The following ATP6V0D2 variants were observed in gnomAD, a reference collection of about 807,000 sequenced individuals.
The protein encoded by ATP6V0D2 is ATPase H+ transporting V0 subunit d2.
ATP6V0D2 carries 40 observed loss-of-function variants against 40.0 expected under a neutral mutation model. That is an observed-to-expected ratio of 1.00 (90% CI 0.78 to 1.30). The LOEUF is 1.30. ATP6V0D2 is among the 50% of genes most tolerant of loss of function. ATP6V0D2 has a pLI of 0.00. For missense variants in ATP6V0D2, 470 were observed against 423.1 expected (o/e 1.11, Z -0.97); for synonymous variants, 179 against 156.3 (o/e 1.15, Z -1.08).
intron 5 of ATP6V0D2, among the ~76,000 whole-genome samples, chr8:86,144,340 C>G (rs1373327447): frequency 6.6e-6 from 1 of 152,138 alleles, no homozygotes; most frequent in Non-Finnish European, 1.5e-5. Context: ...CTTTTGTAAG[C>G]CCTTACTTTG....
At chr8:86,149,232 A>T (rs746705738) in intron 5 of ATP6V0D2, among the ~76,000 whole-genome samples, 1 of 152,046 alleles carries the variant, frequency 6.6e-6, no homozygotes, top group Non-Finnish European at 1.5e-5. Context: ...CCCCCACAAT[A>T]GGCAGAGGAG....
intron 2 of ATP6V0D2, 80 bp from the exon 3 acceptor site, chr8:86,139,362 CAGTGTGTACCTAAAG>C: frequency 1.0e-6 from 1 of 1,000,770 alleles, no homozygotes; most frequent in Non-Finnish European, 1.4e-6. Flanking sequence ...CTGAATGAAA[CAGTGTGTACCTAAAG>C]AGTGTGTGTT....
intron 3 of ATP6V0D2, among the ~76,000 whole-genome samples, chr8:86,140,891 A>G (rs1185492083): frequency 1.3e-5 from 2 of 152,190 alleles, no homozygotes; most frequent in Non-Finnish European, 1.5e-5. Context: ...ACAACTCACC[A>G]TAATGTAAAA....
intron 4 of ATP6V0D2, among the ~76,000 whole-genome samples, chr8:86,141,823 A>G (rs1818978601): frequency 6.6e-6 from 1 of 152,200 alleles, no homozygotes; most frequent in Non-Finnish European, 1.5e-5. Context: ...AGGTGAAGAA[A>G]TGGGGTGAAC....
chr8:86,125,559 G>A (rs2318397), intron 2 of ATP6V0D2, among the ~76,000 whole-genome samples: 94,397 of 151,654 alleles, frequency 0.62, 30,214 homozygotes, highest in Non-Finnish European at 0.71. Context: ...AAATTTAATA[G>A]ATTTTCACAG....
chr8:86,134,823 C>G (rs1818876651), intron 2 of ATP6V0D2, among the ~76,000 whole-genome samples: 1 of 152,046 alleles, frequency 6.6e-6, no homozygotes, highest in Non-Finnish European at 1.5e-5. Context: ...ATATCAATAC[C>G]ATGGAATACT....
rs200086555 is a variant in ATP6V0D2 at position 86,118,070 on chromosome 8, CTTCT to C, written c.302+4205_302+4208del. On this transcript the variant is annotated intron_variant, in intron 2 of 7. Transcript: ENST00000285393. ...TTCTTTCTTTTTCTTTCCTTCCTTC[CTTCT>C]TTCTTTCTTTCTTTTTTTTTTTTTT... Among the ~76,000 whole-genome samples the C allele has an allele frequency of 6.0e-3, 657 of 108,906 alleles. 94 individuals carry two copies. The highest frequency in any genetic ancestry group is 0.051 in the Middle Eastern group (9 of 176). The allele number at this position is 108,906 out of a possible 152,430, so 71.4% of individuals were successfully genotyped here.
intron 1 of ATP6V0D2, among the ~76,000 whole-genome samples, chr8:86,101,107 A>G (rs1180723170): frequency 1.3e-5 from 2 of 150,472 alleles, no homozygotes; most frequent in East Asian, 3.9e-4. Flanking sequence ...AGATCATGCC[A>G]CTGCACTCCA....
At chr8:86,141,836 T>C (rs1035406082) in intron 4 of ATP6V0D2, among the ~76,000 whole-genome samples, 7 of 152,132 alleles carry the variant, frequency 4.6e-5, no homozygotes, top group Non-Finnish European at 8.8e-5. Context: ...GGGTGAACAA[T>C]ATCAATCCAT....
At chr8:86,149,052 G>GAAAAAAAAAAAAAAAAAAAAAAA (rs1166858589) in intron 5 of ATP6V0D2, among the ~76,000 whole-genome samples, 2 of 69,000 alleles carry the variant, frequency 2.9e-5, no homozygotes, top group Non-Finnish European at 4.9e-5. Context: ...ATCTCCAAAG[G>GAAAAAAAAAAAAAAAAAAAAAAA]AAGAAAAAAA....
chr8:86,146,130 C>A (rs1345181014), intron 5 of ATP6V0D2, among the ~76,000 whole-genome samples: 1 of 152,094 alleles, frequency 6.6e-6, no homozygotes. Context: ...TTTATATAAA[C>A]GTGAGTGCTA....
At chr8:86,137,371 C>T (rs1304147857) in intron 2 of ATP6V0D2, among the ~76,000 whole-genome samples, 1 of 152,140 alleles carries the variant, frequency 6.6e-6, no homozygotes, top group Non-Finnish European at 1.5e-5. Flanking sequence ...CTAGTCATCC[C>T]TCTGAATTTC....
At chr8:86,124,613 G>A (rs1205092282) in intron 2 of ATP6V0D2, among the ~76,000 whole-genome samples, 1 of 152,146 alleles carries the variant, frequency 6.6e-6, no homozygotes, top group Non-Finnish European at 1.5e-5. Context: ...CCCCAAAAAT[G>A]TCCCTTAGTC....
intron 1 of ATP6V0D2, 41 bp downstream of exon 1, chr8:86,099,149 A>AAAT (rs772841604): frequency 8.3e-6 from 13 of 1,559,056 alleles, no homozygotes; most frequent in Non-Finnish European, 9.5e-6. Flanking sequence ...GAAAAAAAAA[A>AAAT]AAATGAAATG....
At chr8:86,117,962 G>A (rs888943352) in intron 2 of ATP6V0D2, among the ~76,000 whole-genome samples, 1 of 151,692 alleles carries the variant, frequency 6.6e-6, no homozygotes, top group Non-Finnish European at 1.5e-5. Context: ...AGGAAGTTGA[G>A]CCTTATCACA....
Position 86,153,453 on chromosome 8 carries a change from A to C in ATP6V0D2, c.*476A>C, listed in dbSNP as rs1819186111. 1 of 152,828 alleles carries C rather than the reference A, an allele frequency of 6.5e-6. No individual in the cohort carries two copies. The highest frequency in any genetic ancestry group is 2.4e-5 in the African/African-American group (1 of 41,442). The allele number at this position is 152,828 out of a possible 1,614,324, so 9.5% of individuals were successfully genotyped here. On this transcript the variant is annotated 3_prime_UTR_variant, in exon 8 of 8. Coordinates refer to ENST00000285393, the MANE Select transcript of ATP6V0D2 (RefSeq NM_152565.1). Reference sequence around the variant, plus strand: ...ACTGCAGCCTCGACTTCCCAGGCTCAAGTGATCCTCCCAGCTCTCAGCCTC... The same window carrying C: ...ACTGCAGCCTCGACTTCCCAGGCTCCAGTGATCCTCCCAGCTCTCAGCCTC...
intron 2 of ATP6V0D2, among the ~76,000 whole-genome samples, chr8:86,132,131 T>C (rs2130261248): frequency 6.6e-6 from 1 of 152,340 alleles, no homozygotes; most frequent in South Asian, 2.1e-4. Flanking sequence ...CTATGATGTA[T>C]AGCCCTGAGG....
rs570537487 is a variant in ATP6V0D2 at position 86,116,872 on chromosome 8, C to T, written c.302+2992C>T. 7.9e-5 allele frequency among the ~76,000 whole-genome samples: 12 copies of T among 152,280 alleles called. No homozygotes were observed. The South Asian group carries it at 2.3e-3, about 29-fold the overall frequency. On this transcript the variant is annotated intron_variant, in intron 2 of 7. Coordinates refer to ENST00000285393, the MANE Select transcript of ATP6V0D2 (RefSeq NM_152565.1). The stretch of plus-strand genomic sequence containing the variant: ...TGTGGAAAGACCTGTGTCCTTTTAC[C>T]ATTACCAACATTGGATATTTTCTTT...
At chr8:86,111,003 CTT>C (rs1488745448) in intron 1 of ATP6V0D2, among the ~76,000 whole-genome samples, 2 of 151,992 alleles carry the variant, frequency 1.3e-5, no homozygotes, top group Non-Finnish European at 2.9e-5. Flanking sequence ...AAAATCTACT[CTT>C]TACATGATTT....
Sources: gnomAD v4.1 joint callset for allele counts (sites outside exome capture counted in the v4.1 genomes callset) on GRCh38, gnomAD v4.1.1 for gene constraint, MANE v1.5 for transcripts, NCBI Gene and HGNC (gene_info 2026-07-23, HGNC 2026-07-21) for gene names.